ATP2B4: variants seen among roughly 807,000 people sequenced by gnomAD.
The protein encoded by ATP2B4 is ATPase plasma membrane Ca2+ transporting 4.
A neutral mutation model predicts 110.3 loss-of-function variants in ATP2B4; 39 were observed. The ratio of observed to expected loss-of-function variants is 0.35; its 90% CI spans 0.27 to 0.46. The LOEUF (loss-of-function observed/expected upper bound fraction) is 0.46. ATP2B4 is among the 20% of genes least tolerant of loss of function. The pLI is 1.00. For synonymous variants in ATP2B4, 538 were observed against 571.7 expected (o/e 0.94, Z 0.84); for missense variants, 1,135 against 1,530.9 (o/e 0.74, Z 4.32).
At chr1:203,648,823 A>G (rs1160985258) in intron 1 of ATP2B4, among the ~76,000 whole-genome samples, 2 of 152,202 alleles carry the variant, frequency 1.3e-5, no homozygotes, top group Non-Finnish European at 2.9e-5. Flanking sequence ...TTGGGTTTCC[A>G]TTATGAATAT....
chr1:203,701,951 T>C lies in ATP2B4; in HGVS notation c.902-93T>C. 4 of 1,334,752 alleles carry C rather than the reference T, an allele frequency of 3.0e-6. No individual in the cohort carries two copies. The South Asian group carries it at 3.7e-5, about 12-fold the overall frequency. 82.7% of individuals were successfully genotyped at this position (1,334,752 alleles called of 1,614,324 possible). A position where few individuals can be genotyped will look rare whatever the true frequency, so the allele number is the denominator to read the frequency against. On this transcript the variant is annotated intron_variant, in intron 6 of 20. Transcript: ENST00000357681. ...CCCTGCAACCCAAACACTTTGCTGT[T>C]GTCCTTCTGGGCTCTGAGCAGGACC...
intron 8 of ATP2B4, among the ~76,000 whole-genome samples, chr1:203,704,942 T>C (rs1171205387): frequency 6.6e-6 from 1 of 152,156 alleles, no homozygotes; most frequent in East Asian, 1.9e-4. Flanking sequence ...AGCCCGAGAT[T>C]CTGCATTCCT....
chr1:203,650,643 G>T (rs183560333), intron 1 of ATP2B4, among the ~76,000 whole-genome samples: 3 of 152,188 alleles, frequency 2.0e-5, no homozygotes, highest in African/African-American at 7.2e-5. Context: ...CGGCCGGCCC[G>T]GGGCGAGGGC....
chr1:203,709,151 C>A, intron 10 of ATP2B4, 150 bp from the exon 11 acceptor site: 1 of 1,085,074 alleles, frequency 9.2e-7, no homozygotes. Context: ...AGCGAGACTC[C>A]ATCTCCAAAA....
chr1:203,733,370 GT>G, intron 20 of ATP2B4: 1 of 1,613,958 alleles, frequency 6.2e-7, no homozygotes, highest in Non-Finnish European at 8.5e-7. Context: ...CACCACTTCT[GT>G]TCCTGCTGTT....
intron 1 of ATP2B4, among the ~76,000 whole-genome samples, chr1:203,643,523 G>T (rs1478007347): frequency 6.6e-6 from 1 of 152,184 alleles, no homozygotes; most frequent in African/African-American, 2.4e-5. Flanking sequence ...GACTTTAGCT[G>T]GCAAGAAGTG....
intron 15 of ATP2B4, among the ~76,000 whole-genome samples, chr1:203,716,498 A>G (rs1333639473): frequency 6.9e-6 from 1 of 145,228 alleles, no homozygotes; most frequent in African/African-American, 2.5e-5. Flanking sequence ...GTTCGGACAC[A>G]GTCTAGACAC....
intron 19 of ATP2B4, 22 bp from the exon 20 acceptor site, chr1:203,727,373 T>C (rs1245719071): frequency 1.9e-6 from 3 of 1,612,828 alleles, no homozygotes; most frequent in African/African-American, 2.7e-5. Context: ...GACGTCTTCC[T>C]CTTCGCTGCG....
chr1:203,683,322 T>G lies in ATP2B4; in HGVS notation c.117T>G (p.Asp39Glu). The change falls in exon 2 of 21, where the codon GAT becomes GAG. Residue 39 changes from aspartate (D) to glutamate (E), a missense_variant. Asp to Glu is a conservative substitution (Grantham distance 45). Around this residue, in one of 9 missense-constraint regions of ATP2B4, gnomAD observed 122 missense variants for 125.2 expected, o/e 0.97. Transcript: ENST00000357681. ...LRKLMELRSRDALTQINVHYG... is the reference protein window; with the variant it reads ...LRKLMELRSREALTQINVHYG... ...AGCTCATGGAGCTGCGTTCAAGGGA[T>G]GCACTGACCCAGATTAATGTCCACT... 1 of 1,614,194 alleles carries G rather than the reference T, an allele frequency of 6.2e-7. No homozygotes were observed. The highest frequency in any genetic ancestry group is 8.5e-7 in the Non-Finnish European group (1 of 1,180,042).
intron 1 of ATP2B4, among the ~76,000 whole-genome samples, chr1:203,630,367 CTCTTTT>C (rs1469199988): frequency 0.019 from 183 of 9,424 alleles, 1 homozygote; most frequent in South Asian, 0.18. Flanking sequence ...CTCTCTCTCT[CTCTTTT>C]TTTTTTTTTT....
intron 20 of ATP2B4, 82 bp downstream of exon 20, chr1:203,727,653 C>T (rs150660330): frequency 1.8e-4 from 280 of 1,533,242 alleles, no homozygotes; most frequent in African/African-American, 1.8e-3. Context: ...CAGTTCTTGT[C>T]GGCCAGCATC....
intron 1 of ATP2B4, among the ~76,000 whole-genome samples, chr1:203,680,603 C>T (rs1160110345): frequency 8.1e-5 from 2 of 24,722 alleles, no homozygotes; most frequent in Admixed American, 6.5e-4. Flanking sequence ...AGTGAGACTC[C>T]GTCTCAAAAA....
chr1:203,632,236 C>T (rs1010991383), intron 1 of ATP2B4, among the ~76,000 whole-genome samples: 5 of 151,586 alleles, frequency 3.3e-5, no homozygotes, highest in Admixed American at 6.6e-5. Context: ...ACTAGGAGCC[C>T]TGTGAACTTA....
chr1:203,725,032 C>T (rs28695352), intron 19 of ATP2B4, among the ~76,000 whole-genome samples: 3,444 of 151,678 alleles, frequency 0.023, 141 homozygotes, highest in African/African-American at 0.078. Flanking sequence ...CAACCACCAC[C>T]GCACCTGGCT....
intron 1 of ATP2B4, among the ~76,000 whole-genome samples, chr1:203,652,444 C>G (rs554374242): frequency 2.6e-5 from 4 of 152,094 alleles, no homozygotes; most frequent in African/African-American, 9.7e-5. Flanking sequence ...CTATGCGAGG[C>G]CTACTAAAGC....
At chr1:203,726,060 T>C (rs1037937131) in intron 19 of ATP2B4, among the ~76,000 whole-genome samples, 1 of 133,512 alleles carries the variant, frequency 7.5e-6, no homozygotes, top group Non-Finnish European at 1.6e-5. Context: ...ACCCTGTCTC[T>C]ACTAAAAATA....
intron 2 of ATP2B4, among the ~76,000 whole-genome samples, chr1:203,695,190 G>A (rs973356432): frequency 3.3e-5 from 5 of 152,118 alleles, no homozygotes; most frequent in African/African-American, 7.2e-5. Context: ...TTTGAGAAGC[G>A]TCCCAGGTAG....
At chr1:203,635,110 GATTAC>G (rs1288661762) in intron 1 of ATP2B4, among the ~76,000 whole-genome samples, 1 of 152,114 alleles carries the variant, frequency 6.6e-6, no homozygotes, top group Non-Finnish European at 1.5e-5. Context: ...GAGTAGCTGG[GATTAC>G]AGGCATGTAC....
At chr1:203,680,499 C>G (rs926963882) in intron 1 of ATP2B4, among the ~76,000 whole-genome samples, 1 of 151,876 alleles carries the variant, frequency 6.6e-6, no homozygotes, top group African/African-American at 2.4e-5. Context: ...GTCCCAGCCA[C>G]TCGGGAGGCT....
Sources: allele counts gnomAD v4.1 joint callset (sites outside exome capture counted in the v4.1 genomes callset), GRCh38; gene constraint gnomAD v4.1.1; regional missense constraint gnomAD v4.1.1; transcripts MANE v1.5; gene names NCBI Gene and HGNC (gene_info 2026-07-23, HGNC 2026-07-21).